The following EYS variants were observed in gnomAD, a reference collection of about 807,000 sequenced individuals.
EYS encodes EGF-like photoreceptor maintenance factor.
EYS carries 250 observed loss-of-function variants against 282.1 expected under a neutral mutation model. That is an observed-to-expected ratio of 0.89 (90% CI 0.80 to 0.98). The LOEUF is 0.98. Among genes scored for constraint, EYS ranks in the 50% least tolerant of loss-of-function variants. The pLI is 0.00. For synonymous variants in EYS, 1,355 were observed against 1,282.9 expected, an observed-to-expected ratio of 1.06 and a Z score of -1.20; for missense variants, 4,016 against 3,709.0, an observed-to-expected ratio of 1.08 and a Z score of -2.15.
intron 32 of EYS, among the ~76,000 whole-genome samples, chr6:64,076,250 A>G (rs539099365): frequency 6.6e-6 from 1 of 152,088 alleles, no homozygotes; most frequent in East Asian, 1.9e-4. Flanking sequence ...ATAATTTCCT[A>G]AAGATTCAAT....
intron 14 of EYS, among the ~76,000 whole-genome samples, chr6:64,981,168 G>C (rs984477412): frequency 4.0e-5 from 6 of 151,254 alleles, no homozygotes; most frequent in African/African-American, 1.5e-4. Context: ...GGGTTTTATA[G>C]ATTCAAAGAT....
intron 33 of EYS, among the ~76,000 whole-genome samples, chr6:64,011,203 C>G (rs1156583045): frequency 6.6e-6 from 1 of 151,936 alleles, no homozygotes; most frequent in Non-Finnish European, 1.5e-5. Flanking sequence ...TTGAACTTGC[C>G]TTCATGTTTT....
intron 26 of EYS, among the ~76,000 whole-genome samples, chr6:64,572,710 A>C (rs1188855836): frequency 6.6e-6 from 1 of 152,188 alleles, no homozygotes; most frequent in Non-Finnish European, 1.5e-5. Flanking sequence ...AATCCAACTT[A>C]CAAGGTATGT....
chr6:64,869,846 CT>C (rs960426224), intron 19 of EYS, among the ~76,000 whole-genome samples: 142 of 150,550 alleles, frequency 9.4e-4, no homozygotes, highest in African/African-American at 3.3e-3. Context: ...GTTATAAGAT[CT>C]TTTTTTTTCT....
intron 12 of EYS, among the ~76,000 whole-genome samples, chr6:65,260,246 A>T (rs1562055996): frequency 6.6e-6 from 1 of 152,142 alleles, no homozygotes; most frequent in African/African-American, 2.4e-5. Context: ...TTATGATGCA[A>T]TTACCTCCAC....
At chr6:65,265,154 C>G (rs1326481467) in intron 12 of EYS, among the ~76,000 whole-genome samples, 1 of 151,918 alleles carries the variant, frequency 6.6e-6, no homozygotes, top group Non-Finnish European at 1.5e-5. Flanking sequence ...AAGCTTAATA[C>G]CTGGGTAATG....
intron 35 of EYS, among the ~76,000 whole-genome samples, chr6:63,896,891 T>G (rs1430941485): frequency 6.6e-6 from 1 of 152,172 alleles, no homozygotes; most frequent in African/African-American, 2.4e-5. Flanking sequence ...CAATAGGTCA[T>G]TTCCTTTTCC....
chr6:64,762,739 G>T (rs964402181), intron 22 of EYS, among the ~76,000 whole-genome samples: 2 of 151,996 alleles, frequency 1.3e-5, no homozygotes, highest in African/African-American at 4.8e-5. Context: ...ATAGGAAAGT[G>T]TTTAAAATTT....
chr6:64,591,721 G>T lies in EYS; in HGVS notation c.4146C>A (p.Phe1382Leu), dbSNP rs748931820. 40 of 1,551,184 alleles carry T rather than the reference G, an allele frequency of 2.6e-5. No individual in the cohort carries two copies. Among genetic ancestry groups the T allele is most frequent in the Non-Finnish European group, 3.4e-5 (39 of 1,146,762 alleles). Residue 1382 changes from phenylalanine to leucine, a missense_variant, in exon 26 of 43, where the codon TTC becomes TTA. Phe to Leu is a conservative substitution (Grantham distance 22). Coordinates refer to ENST00000503581, the MANE Select transcript of EYS (RefSeq NM_001142800.2). ...PIRTSAATLG[F>L]FFPDRRARTP... ...TCCTTGCTCTCCTATCAGGAAAAAAGAAACCTAGTGTGGCTGCTGAAGTTC... is the reference window on the plus strand; with the variant it reads ...TCCTTGCTCTCCTATCAGGAAAAAATAAACCTAGTGTGGCTGCTGAAGTTC...
At chr6:64,120,528 G>A (rs1043120089) in intron 31 of EYS, among the ~76,000 whole-genome samples, 1 of 151,820 alleles carries the variant, frequency 6.6e-6, no homozygotes, top group Non-Finnish European at 1.5e-5. Context: ...AAAGAAAAAG[G>A]TAACAGATCA....
chr6:64,574,675 A>C (rs1278953288), intron 26 of EYS, among the ~76,000 whole-genome samples: 1 of 152,200 alleles, frequency 6.6e-6, no homozygotes, highest in Non-Finnish European at 1.5e-5. Context: ...AAACTGATAT[A>C]TTCATTTCTT....
intron 2 of EYS, among the ~76,000 whole-genome samples, chr6:65,535,297 T>C (rs926150547): frequency 6.6e-6 from 1 of 152,122 alleles, no homozygotes; most frequent in Admixed American, 6.6e-5. Context: ...GAATTTTAGC[T>C]CCCATAATTC....
At chr6:64,647,895 T>C (rs750908314) in intron 22 of EYS, among the ~76,000 whole-genome samples, 10 of 150,250 alleles carry the variant, frequency 6.7e-5, no homozygotes, top group Admixed American at 1.3e-4. Context: ...AGTGCCTTCA[T>C]GAATAAATAA....
At chr6:64,633,502 G>A (rs1479646568) in intron 22 of EYS, among the ~76,000 whole-genome samples, 2 of 151,386 alleles carry the variant, frequency 1.3e-5, no homozygotes, top group East Asian at 3.9e-4. Flanking sequence ...TGAAGGAGTG[G>A]AAAGAACAAA....
intron 33 of EYS, among the ~76,000 whole-genome samples, chr6:64,025,002 G>T (rs1483360188): frequency 2.6e-5 from 4 of 152,152 alleles, no homozygotes; most frequent in Non-Finnish European, 5.9e-5. Context: ...ATCACCATGT[G>T]GTGAGACCAT....
At position 65,247,440 on chromosome 6, in the gene EYS, C is replaced by A. The variant is rs935081601; in HGVS notation, c.2023+48423G>T. On this transcript the variant is annotated intron_variant, in intron 12 of 42. Coordinates refer to ENST00000503581, the MANE Select transcript of EYS (RefSeq NM_001142800.2). ...ATTTTCTCAGTAACATCTTTTTATT[C>A]CTAATATATAAATATTCATTGTTTT... Among the ~76,000 whole-genome samples the A allele has an allele frequency of 2.0e-5, 3 of 151,996 alleles. No individual in the cohort carries two copies. In the East Asian group the frequency reaches 5.8e-4, roughly 29 times the overall value.
chr6:65,332,229 T>A, intron 11 of EYS: 3 of 591,524 alleles, frequency 5.1e-6, no homozygotes, highest in Non-Finnish European at 9.2e-6. Flanking sequence ...GTAATACAAT[T>A]TTTTTCTCCA....
intron 26 of EYS, among the ~76,000 whole-genome samples, chr6:64,565,125 C>A (rs1216539943): frequency 6.6e-6 from 1 of 152,058 alleles, no homozygotes; most frequent in Admixed American, 6.6e-5. Flanking sequence ...TTTATTGAAG[C>A]CTTCCTTTTC....
chr6:65,470,497 A>C (rs1466313101), intron 5 of EYS, among the ~76,000 whole-genome samples: 6 of 152,162 alleles, frequency 3.9e-5, no homozygotes, highest in Non-Finnish European at 2.9e-5. Context: ...ACCAATCTAA[A>C]TATACATTCA....
Sources: allele counts gnomAD v4.1 joint callset (sites outside exome capture counted in the v4.1 genomes callset), GRCh38; gene constraint gnomAD v4.1.1; transcripts MANE v1.5; gene names NCBI Gene and HGNC (gene_info 2026-07-23, HGNC 2026-07-21).